Variants in C3orf49 observed in about 807,000 individuals in gnomAD.
The protein encoded by C3orf49 is putative uncharacterized protein C3orf49.
Under a neutral mutation model 13.3 loss-of-function variants are expected in C3orf49, and 27 were observed. The ratio of observed to expected loss-of-function variants is 2.02; its 90% CI spans 1.49 to 2.79. The LOEUF is 2.79. Among genes scored for constraint, C3orf49 ranks in the 30% most tolerant of loss-of-function variants. The pLI is 0.00. For synonymous variants in C3orf49, 87 were observed against 47.6 expected (o/e 1.83, Z -3.40); for missense variants, 242 against 134.2 (o/e 1.80, Z -3.97).
the C3orf49 span, among the ~76,000 whole-genome samples, chr3:63,797,021 T>A: frequency 1.3e-5 from 2 of 152,248 alleles, no homozygotes; most frequent in South Asian, 2.1e-4. Context: ...CAATTTAAAA[T>A]TGGATATATC....
At chr3:63,812,988 A>C in the C3orf49 span, among the ~76,000 whole-genome samples, 1 of 152,166 alleles carries the variant, frequency 6.6e-6, no homozygotes, top group South Asian at 2.1e-4. Flanking sequence ...GTGAATGTAG[A>C]TAGGTGTTTT....
intron 5 of C3orf49, chr3:63,839,568 G>T: frequency 1.8e-6 from 2 of 1,092,728 alleles, no homozygotes; most frequent in Non-Finnish European, 2.8e-6. Flanking sequence ...TAAGGTGAGT[G>T]AAAATTTGAT....
upstream of C3orf49, among the ~76,000 whole-genome samples, chr3:63,816,702 G>C (rs1701327786): frequency 6.6e-6 from 1 of 150,852 alleles, no homozygotes; most frequent in Non-Finnish European, 1.5e-5. Flanking sequence ...CCTCCCTCCA[G>C]CTTATCACAC....
At chr3:63,787,667 G>A in the C3orf49 span, among the ~76,000 whole-genome samples, 1,109 of 152,208 alleles carry the variant, frequency 7.3e-3, 8 homozygotes, top group Middle Eastern at 0.034. Context: ...AGTTTCCCCC[G>A]AACAGGAAAG....
chr3:63,791,334 T>A, the C3orf49 span, among the ~76,000 whole-genome samples: 1 of 152,202 alleles, frequency 6.6e-6, no homozygotes. Context: ...ACCTTATATG[T>A]GAGTAGCATT....
the C3orf49 span, among the ~76,000 whole-genome samples, chr3:63,804,451 T>G: frequency 6.6e-6 from 1 of 152,104 alleles, no homozygotes; most frequent in South Asian, 2.1e-4. Context: ...GATCCTTCAG[T>G]CTTCTCTTTT....
intron 5 of C3orf49, among the ~76,000 whole-genome samples, 199 bp from the exon 6 acceptor site, chr3:63,844,824 T>C (rs1488433458): frequency 6.6e-6 from 1 of 152,214 alleles, no homozygotes; most frequent in Non-Finnish European, 1.5e-5. Flanking sequence ...TCAAATAAAC[T>C]TTTATTGCTT....
At chr3:63,789,870 C>T in the C3orf49 span, among the ~76,000 whole-genome samples, 1 of 149,122 alleles carries the variant, frequency 6.7e-6, no homozygotes, top group East Asian at 2.0e-4. Context: ...CCCTTGAAAG[C>T]TTGAGACTTC....
chr3:63,847,656 G>A (rs1050461332), intron 6 of C3orf49, among the ~76,000 whole-genome samples: 4 of 152,166 alleles, frequency 2.6e-5, no homozygotes, highest in Admixed American at 6.5e-5. Context: ...AGAATTGCTT[G>A]AACCCAGGAG....
At chr3:63,810,203 GTCACTA>G in the C3orf49 span, among the ~76,000 whole-genome samples, 1 of 128,152 alleles carries the variant, frequency 7.8e-6, no homozygotes, top group African/African-American at 4.1e-5. Context: ...CTAATATAAT[GTCACTA>G]TAGCAGAGAG....
the C3orf49 span, among the ~76,000 whole-genome samples, chr3:63,789,834 A>AG: frequency 4.7e-5 from 7 of 150,320 alleles, no homozygotes; most frequent in Non-Finnish European, 3.0e-5. Context: ...AAAAAAAAAA[A>AG]GGAAGTACAA....
chr3:63,786,921 T>C, the C3orf49 span, among the ~76,000 whole-genome samples: 8 of 152,152 alleles, frequency 5.3e-5, no homozygotes. Context: ...GGGTCTCTCA[T>C]CTAGGTGAGA....
intron 5 of C3orf49, among the ~76,000 whole-genome samples, chr3:63,836,953 G>A (rs1195948296): frequency 6.6e-6 from 1 of 151,648 alleles, no homozygotes; most frequent in African/African-American, 2.4e-5. Context: ...CGAAAACACT[G>A]CAAAATATTT....
upstream of C3orf49, among the ~76,000 whole-genome samples, chr3:63,818,245 G>A (rs1018241931): frequency 1.3e-5 from 2 of 151,906 alleles, no homozygotes; most frequent in Non-Finnish European, 2.9e-5. Flanking sequence ...CTTTAGGGAT[G>A]AGAAAACAAG....
chr3:63,781,377 G>C, the C3orf49 span, among the ~76,000 whole-genome samples: 2 of 152,056 alleles, frequency 1.3e-5, no homozygotes, highest in Admixed American at 6.5e-5. Context: ...GTACCATGCT[G>C]TTTTGGTTAC....
the C3orf49 span, among the ~76,000 whole-genome samples, chr3:63,798,040 T>C: frequency 1.3e-5 from 2 of 152,190 alleles, no homozygotes; most frequent in Non-Finnish European, 2.9e-5. Context: ...CTGTGGATTC[T>C]AGTTAGGCAT....
the C3orf49 span, chr3:63,783,136 G>C: frequency 6.6e-6 from 1 of 152,156 alleles, no homozygotes; most frequent in Admixed American, 6.5e-5. Flanking sequence ...ATTTAGCACT[G>C]TAAGTCTCCC....
At chr3:63,828,168 T>A (rs2107103764) in intron 3 of C3orf49, among the ~76,000 whole-genome samples, 1 of 152,368 alleles carries the variant, frequency 6.6e-6, no homozygotes, top group Admixed American at 6.5e-5. Context: ...AGGAACTGAA[T>A]TTTTAATCTT....
intron 5 of C3orf49, chr3:63,836,393 T>G (rs200419688): frequency 1.9e-6 from 3 of 1,599,374 alleles, no homozygotes; most frequent in East Asian, 2.2e-5. Flanking sequence ...AAACTAAGGA[T>G]TTTTTGAATG....
Sources: allele counts gnomAD v4.1 joint callset (sites outside exome capture counted in the v4.1 genomes callset), GRCh38; gene constraint gnomAD v4.1.1; transcripts MANE v1.5; gene names NCBI Gene and HGNC (gene_info 2026-07-23, HGNC 2026-07-21).